Variants in PXDNL observed in about 807,000 individuals in gnomAD.
PXDNL encodes peroxidasin like.
In PXDNL, 145 loss-of-function variants were observed where a neutral mutation model predicts 150.8. That is an observed-to-expected ratio of 0.96 (90% CI 0.84 to 1.10). The LOEUF (loss-of-function observed/expected upper bound fraction) is 1.10, where lower values mean the gene tolerates loss of function less well. Among genes scored for constraint, PXDNL ranks in the 50% least tolerant of loss-of-function variants. The pLI, the probability that PXDNL is intolerant of heterozygous loss-of-function variation, is 0.00. For synonymous variants in PXDNL, 757 were observed against 725.7 expected (o/e 1.04, Z -0.69); for missense variants, 2,087 against 1,873.9 (o/e 1.11, Z -2.10).
intron 5 of PXDNL, among the ~76,000 whole-genome samples, chr8:51,489,587 G>A (rs1585517685): frequency 6.6e-6 from 1 of 152,084 alleles, no homozygotes; most frequent in African/African-American, 2.4e-5. Context: ...CAAAGTGCAG[G>A]CCATTACATT....
At chr8:51,406,784 G>A (rs1000623058) in intron 17 of PXDNL, among the ~76,000 whole-genome samples, 4 of 152,134 alleles carry the variant, frequency 2.6e-5, no homozygotes, top group Admixed American at 2.0e-4. Context: ...GCAGCTCCCC[G>A]GCTCCCCCGC....
At position 51,588,285 on chromosome 8, in the gene PXDNL, T is replaced by A. The variant is rs185796474; in HGVS notation, c.308+4342A>T. ...TCACAACCCTCTTTCTCTACAAAATTCCCTGGTTTGAAAGGCAATGGTTAC... is the reference window on the plus strand; with the variant it reads ...TCACAACCCTCTTTCTCTACAAAATACCCTGGTTTGAAAGGCAATGGTTAC... On this transcript the variant is annotated intron_variant, in intron 3 of 22. Transcript: ENST00000356297. 7.9e-5 allele frequency among the ~76,000 whole-genome samples: 12 copies of A among 152,282 alleles called. No individual in the cohort carries two copies. In the East Asian group the frequency reaches 2.1e-3, roughly 27 times the overall value.
chr8:51,330,163 C>T (rs562293706), intron 21 of PXDNL, among the ~76,000 whole-genome samples: 3 of 152,314 alleles, frequency 2.0e-5, no homozygotes, highest in South Asian at 4.1e-4. Flanking sequence ...AAATGCTAAT[C>T]TCTTCAGAAA....
chr8:51,480,109 T>A (rs1303529493), intron 6 of PXDNL, among the ~76,000 whole-genome samples: 2 of 152,216 alleles, frequency 1.3e-5, no homozygotes, highest in East Asian at 3.8e-4. Flanking sequence ...GGATTTATTT[T>A]CCTCAGGGCT....
intron 2 of PXDNL, among the ~76,000 whole-genome samples, chr8:51,638,542 G>T (rs1814661730): frequency 6.6e-6 from 1 of 152,032 alleles, no homozygotes; most frequent in Non-Finnish European, 1.5e-5. Flanking sequence ...AAAGGCAGGG[G>T]TTGCAATCCT....
intron 17 of PXDNL, among the ~76,000 whole-genome samples, chr8:51,396,274 G>A (rs918944153): frequency 3.3e-5 from 5 of 152,200 alleles, no homozygotes; most frequent in Admixed American, 6.5e-5. Context: ...CCAGATACCT[G>A]GTTGCAGGCC....
At chr8:51,356,116 C>T (rs1806499648) in intron 19 of PXDNL, among the ~76,000 whole-genome samples, 1 of 152,178 alleles carries the variant, frequency 6.6e-6, no homozygotes, top group Non-Finnish European at 1.5e-5. Flanking sequence ...ACTTTTGCTT[C>T]CTAATCTTAA....
rs1372338379 is a variant in PXDNL, at chr8:51,755,041, C to T, written c.164+54140G>A. ...AAACAGTTATTAAATGCTTACTCTG[C>T]ACAAGTTACTAGAGAATACAAGAGA... On this transcript the variant is annotated intron_variant, in intron 1 of 22. Coordinates refer to ENST00000356297, the MANE Select transcript of PXDNL (RefSeq NM_144651.5). Among the ~76,000 whole-genome samples the T allele has an allele frequency of 2.0e-5, 3 of 152,200 alleles. No homozygotes were observed. The East Asian group carries it at 5.8e-4, about 29-fold the overall frequency.
At chr8:51,410,926 C>T (rs1200373678) in intron 16 of PXDNL, among the ~76,000 whole-genome samples, 1 of 152,018 alleles carries the variant, frequency 6.6e-6, no homozygotes, top group African/African-American at 2.4e-5. Flanking sequence ...AAGAATATCC[C>T]CCTGGTAATA....
chr8:51,568,679 A>G (rs1286548539), intron 3 of PXDNL, among the ~76,000 whole-genome samples: 2 of 151,774 alleles, frequency 1.3e-5, no homozygotes, highest in African/African-American at 4.8e-5. Flanking sequence ...TTATTACTTC[A>G]AATGTTTTTT....
At chr8:51,448,454 C>G (rs1809729967) in intron 11 of PXDNL, among the ~76,000 whole-genome samples, 1 of 152,178 alleles carries the variant, frequency 6.6e-6, no homozygotes, top group Admixed American at 6.5e-5. Context: ...CCTGCAATCC[C>G]AGAACTTTGG....
At chr8:51,800,787 C>T (rs2037610675) in intron 1 of PXDNL, among the ~76,000 whole-genome samples, 1 of 152,150 alleles carries the variant, frequency 6.6e-6, no homozygotes, top group African/African-American at 2.4e-5. Flanking sequence ...TTATGCCTGT[C>T]TTACTTTACT....
chr8:51,625,430 T>C (rs1814343517), intron 2 of PXDNL, among the ~76,000 whole-genome samples: 1 of 152,194 alleles, frequency 6.6e-6, no homozygotes, highest in African/African-American at 2.4e-5. Flanking sequence ...GCAAGTCAAA[T>C]CACACTGACT....
rs199560553 is a variant in PXDNL at position 51,772,234 on chromosome 8, A to C, written c.164+36947T>G. Among the ~76,000 whole-genome samples the C allele has an allele frequency of 2.6e-3, 284 of 108,958 alleles. 1 individual carries two copies. The highest frequency in any genetic ancestry group is 0.01 in the South Asian group (34 of 3,332). The allele number at this position is 108,958 out of a possible 152,430, so 71.5% of individuals were successfully genotyped here. On this transcript the variant is annotated intron_variant, in intron 1 of 22. Transcript: ENST00000356297. ...TGTCTCTCTCTTTCTCTCTCTCTCT[A>C]TATACACACACACACACACACACAC... is the stretch of plus-strand genomic sequence containing the variant.
intron 1 of PXDNL, among the ~76,000 whole-genome samples, chr8:51,758,344 G>A (rs990031201): frequency 6.6e-6 from 1 of 152,178 alleles, no homozygotes; most frequent in Non-Finnish European, 1.5e-5. Context: ...CCATGCTAAT[G>A]TATGAGTAAT....
intron 4 of PXDNL, among the ~76,000 whole-genome samples, chr8:51,512,481 G>C (rs998561515): frequency 6.6e-6 from 1 of 152,176 alleles, no homozygotes; most frequent in Non-Finnish European, 1.5e-5. Context: ...AAGGGAGATG[G>C]CGGCATTGAT....
At chr8:51,743,968 AG>A (rs2036937147) in intron 1 of PXDNL, among the ~76,000 whole-genome samples, 3 of 28,918 alleles carry the variant, frequency 1.0e-4, no homozygotes, top group Admixed American at 4.4e-4. Flanking sequence ...AAAAAGAGAG[AG>A]AAAAAAGAAA....
intron 1 of PXDNL, among the ~76,000 whole-genome samples, chr8:51,802,989 T>TGTAGTAGCTGA (rs2037636684): frequency 6.6e-6 from 1 of 152,250 alleles, no homozygotes; most frequent in African/African-American, 2.4e-5. Flanking sequence ...AGCAAAGGAA[T>TGTAGTAGCTGA]ACATTTACAA....
chr8:51,441,756 G>A (rs1809555189), intron 12 of PXDNL, among the ~76,000 whole-genome samples: 1 of 152,108 alleles, frequency 6.6e-6, no homozygotes, highest in Non-Finnish European at 1.5e-5. Context: ...AGTAATAAAT[G>A]CCCTGTAGGA....
Sources: allele counts gnomAD v4.1 joint callset (sites outside exome capture counted in the v4.1 genomes callset), GRCh38; gene constraint gnomAD v4.1.1; transcripts MANE v1.5; gene names NCBI Gene and HGNC (gene_info 2026-07-23, HGNC 2026-07-21).